Variants in PDE10A observed in about 807,000 individuals in gnomAD.
The protein encoded by PDE10A is phosphodiesterase 10A, also known as cAMP and cAMP-inhibited cGMP 3',5'-cyclic phosphodiesterase 10A.
A neutral mutation model predicts 97.7 loss-of-function variants in PDE10A; 39 were observed. The observed-to-expected ratio is 0.40, with a 90% CI of 0.31 to 0.52. The LOEUF (loss-of-function observed/expected upper bound fraction) is 0.52. Ranked by LOEUF, PDE10A falls within the 20% of genes least tolerant of loss-of-function variation. PDE10A has a pLI of 0.56. For missense variants in PDE10A, 731 were observed against 1,047.8 expected (o/e 0.70, Z 4.17); for synonymous variants, 371 against 376.8 (o/e 0.98, Z 0.18).
upstream of PDE10A, among the ~76,000 whole-genome samples, chr6:165,665,478 A>G (rs1476012422): frequency 1.3e-5 from 2 of 152,232 alleles, no homozygotes; most frequent in African/African-American, 4.8e-5. Flanking sequence ...GCACCGGCCC[A>G]TAACGGAGGG....
intron 1 of PDE10A, among the ~76,000 whole-genome samples, chr6:165,746,449 C>T (rs888793950): frequency 1.3e-5 from 2 of 152,206 alleles, no homozygotes; most frequent in Admixed American, 6.5e-5. Context: ...CTTACATCAA[C>T]AACAATTCAC....
At chr6:165,416,686 G>A (rs992725903) in intron 11 of PDE10A, among the ~76,000 whole-genome samples, 23 of 152,132 alleles carry the variant, frequency 1.5e-4, no homozygotes, top group Non-Finnish European at 2.9e-5. Flanking sequence ...TAAAATATCA[G>A]TGGCACAAGG....
chr6:165,766,091 A>C (rs1349516930), intron 1 of PDE10A, among the ~76,000 whole-genome samples: 1 of 152,188 alleles, frequency 6.6e-6, no homozygotes, highest in Non-Finnish European at 1.5e-5. Flanking sequence ...AACTCTTCTC[A>C]GCTTGTTAGT....
intron 1 of PDE10A, among the ~76,000 whole-genome samples, chr6:165,718,081 CA>C (rs1792072671): frequency 6.6e-6 from 1 of 152,154 alleles, no homozygotes; most frequent in Non-Finnish European, 1.5e-5. Flanking sequence ...CTTTGATGCA[CA>C]AAAGTTTTTA....
At chr6:165,914,289 C>T (rs1443673374) in intron 1 of PDE10A, among the ~76,000 whole-genome samples, 1 of 152,202 alleles carries the variant, frequency 6.6e-6, no homozygotes, top group Non-Finnish European at 1.5e-5. Flanking sequence ...CGGACATTTC[C>T]TCCTGGGTAC....
At chr6:165,668,395 G>A (rs376852598) in intron 1 of PDE10A, among the ~76,000 whole-genome samples, 16 of 152,174 alleles carry the variant, frequency 1.1e-4, no homozygotes, top group African/African-American at 3.9e-4. Context: ...GTGCCTACAC[G>A]AATTACTATG....
intron 1 of PDE10A, among the ~76,000 whole-genome samples, chr6:165,668,354 A>C (rs576211642): frequency 1.3e-5 from 2 of 152,298 alleles, no homozygotes; most frequent in East Asian, 3.9e-4. Flanking sequence ...CAAAATTGCC[A>C]CTGAGTTTAT....
intron 2 of PDE10A, among the ~76,000 whole-genome samples, chr6:165,528,376 T>C (rs1782575794): frequency 6.6e-6 from 1 of 152,144 alleles, no homozygotes; most frequent in Admixed American, 6.5e-5. Flanking sequence ...AAAGTGGCCA[T>C]GGTGGCAGGG....
At chr6:165,856,329 A>G (rs1780731306) in intron 1 of PDE10A, among the ~76,000 whole-genome samples, 1 of 151,968 alleles carries the variant, frequency 6.6e-6, no homozygotes, top group African/African-American at 2.4e-5. Context: ...CCCCTGCCTG[A>G]CTCTACGGTG....
At chr6:165,462,681 G>T (rs575379217) in intron 3 of PDE10A, among the ~76,000 whole-genome samples, 1 of 152,304 alleles carries the variant, frequency 6.6e-6, no homozygotes, top group East Asian at 1.9e-4. Flanking sequence ...AGATCAAGAA[G>T]CTGTCACAGA....
intron 15 of PDE10A, among the ~76,000 whole-genome samples, chr6:165,394,001 A>T (rs1666763766): frequency 6.6e-6 from 1 of 152,236 alleles, no homozygotes; most frequent in Admixed American, 6.5e-5. Flanking sequence ...ATCTATTCTA[A>T]TAGATATATG....
chr6:165,910,300 C>T (rs913091551), intron 1 of PDE10A, among the ~76,000 whole-genome samples: 14 of 152,214 alleles, frequency 9.2e-5, no homozygotes, highest in African/African-American at 1.7e-4. Context: ...AAAACTCAGG[C>T]AGTCAGAAAG....
intron 1 of PDE10A, among the ~76,000 whole-genome samples, chr6:165,941,102 G>C (rs1264217257): frequency 6.6e-6 from 1 of 152,050 alleles, no homozygotes; most frequent in African/African-American, 2.4e-5. Flanking sequence ...CTCACACTTG[G>C]TACTCTGACC....
intron 1 of PDE10A, among the ~76,000 whole-genome samples, chr6:165,767,883 TTCTC>T (rs1777904737): frequency 6.6e-6 from 1 of 152,238 alleles, no homozygotes; most frequent in Non-Finnish European, 1.5e-5. Flanking sequence ...CATTTTTACA[TTCTC>T]ACTGCAATGC....
intron 1 of PDE10A, among the ~76,000 whole-genome samples, chr6:165,720,453 C>T (rs1792137625): frequency 6.6e-6 from 1 of 152,164 alleles, no homozygotes; most frequent in South Asian, 2.1e-4. Flanking sequence ...TCTTACACAG[C>T]GTTCAACTGG....
chr6:165,750,978 T>A (rs947431991), intron 1 of PDE10A, among the ~76,000 whole-genome samples: 1 of 152,200 alleles, frequency 6.6e-6, no homozygotes, highest in Admixed American at 6.5e-5. Context: ...CAGGAAAATA[T>A]GACCCCTAGT....
At chr6:165,643,322 A>G (rs1385229896) in intron 1 of PDE10A, among the ~76,000 whole-genome samples, 1 of 152,082 alleles carries the variant, frequency 6.6e-6, no homozygotes, top group Non-Finnish European at 1.5e-5. Flanking sequence ...TGGACAGATG[A>G]GTATGTGGAT....
At chr6:165,443,996 C>G (rs79716957) in intron 5 of PDE10A, among the ~76,000 whole-genome samples, 4,592 of 152,250 alleles carry the variant, frequency 0.03, 229 homozygotes, top group African/African-American at 0.1. Context: ...CACAGAAAAT[C>G]GGTTTGTCCT....
upstream of PDE10A, among the ~76,000 whole-genome samples, chr6:165,666,173 T>A (rs866669692): frequency 7.2e-5 from 11 of 152,346 alleles, no homozygotes; most frequent in Middle Eastern, 6.8e-3. Flanking sequence ...AACTTTTTGG[T>A]AAATATGCAA....
Sources: gnomAD v4.1 joint callset for allele counts (sites outside exome capture counted in the v4.1 genomes callset) on GRCh38, gnomAD v4.1.1 for gene constraint, MANE v1.5 for transcripts, NCBI Gene and HGNC (gene_info 2026-07-23, HGNC 2026-07-21) for gene names.